PARP4: variants seen among roughly 807,000 people sequenced by gnomAD.
PARP4 encodes the protein protein mono-ADP-ribosyltransferase PARP4.
In PARP4, 120 loss-of-function variants were observed where a neutral mutation model predicts 187.7. The observed-to-expected ratio is 0.64, with a 90% CI of 0.55 to 0.74. PARP4 has a LOEUF of 0.74. Among genes scored for constraint, PARP4 ranks in the 30% least tolerant of loss-of-function variants. The probability of loss-of-function intolerance (pLI) is 0.00; values close to 1 mark genes in which losing one functional copy is unlikely to be tolerated. For missense variants in PARP4, 1,836 were observed against 2,070.5 expected (o/e 0.89, Z 2.20); for synonymous variants, 654 against 740.9 (o/e 0.88, Z 1.90).
At chr13:24,489,604 G>A (rs1409798048) in intron 10 of PARP4, among the ~76,000 whole-genome samples, 5 of 152,050 alleles carry the variant, frequency 3.3e-5, no homozygotes, top group Admixed American at 2.0e-4. Flanking sequence ...GCGAGACTCC[G>A]TCTCAAAAAA....
At chr13:24,446,134 C>T (rs7327270) in intron 27 of PARP4, among the ~76,000 whole-genome samples, 6,565 of 152,244 alleles carry the variant, frequency 0.043, 398 homozygotes, top group African/African-American at 0.14. Context: ...TAAATAGCAT[C>T]AGTAGGCCAG....
At chr13:24,485,084 T>C (rs1200494604) in intron 11 of PARP4, among the ~76,000 whole-genome samples, 1 of 152,202 alleles carries the variant, frequency 6.6e-6, no homozygotes, top group African/African-American at 2.4e-5. Flanking sequence ...TTTTAAATAT[T>C]TAAATATTTG....
At chr13:24,425,241 C>T (rs553962994) in intron 33 of PARP4, among the ~76,000 whole-genome samples, 2 of 148,236 alleles carry the variant, frequency 1.3e-5, no homozygotes, top group South Asian at 4.2e-4. Context: ...GCGGAGGTTG[C>T]AGTGAGCTGA....
In PARP4 at chr13:24,473,492, T is replaced by C. The variant is rs147301688; in HGVS notation, c.1914+1980A>G. On this transcript the variant is annotated intron_variant, in intron 15 of 33. Transcript: ENST00000381989. ...AGTCTTTTCAACAATGTTTCCTATTTATGCAATAAAACATAGAGAAGGGTA... is the reference window on the plus strand; with the variant it reads ...AGTCTTTTCAACAATGTTTCCTATTCATGCAATAAAACATAGAGAAGGGTA... Among the ~76,000 whole-genome samples, 469 of 152,308 alleles carry C rather than the reference T, an allele frequency of 3.1e-3. 3 individuals carry two copies. The highest frequency in any genetic ancestry group is 0.011 in the African/African-American group (438 of 41,564).
chr13:24,459,236 T>G (rs1566000916), intron 19 of PARP4, 28 bp downstream of exon 19: 1 of 1,589,660 alleles, frequency 6.3e-7, no homozygotes, highest in South Asian at 1.1e-5. Context: ...TCCATTGAAT[T>G]GACAGGTTTT....
intron 6 of PARP4, among the ~76,000 whole-genome samples, chr13:24,495,540 T>C (rs1868898270): frequency 6.6e-6 from 1 of 152,200 alleles, no homozygotes; most frequent in Non-Finnish European, 1.5e-5. Context: ...AAACTGCCTG[T>C]GGAGGCGGCA....
intron 27 of PARP4, 48 bp from the exon 28 acceptor site, chr13:24,443,778 A>T (rs747604481): frequency 1.7e-5 from 22 of 1,267,258 alleles, no homozygotes; most frequent in Non-Finnish European, 2.2e-5. Context: ...GGCTTCTAAT[A>T]TAAGACTTGC....
intron 10 of PARP4, among the ~76,000 whole-genome samples, chr13:24,488,823 C>T (rs1044831066): frequency 6.6e-6 from 1 of 152,004 alleles, no homozygotes; most frequent in African/African-American, 2.4e-5. Context: ...GCTGTCAGTC[C>T]CCAACCCTCC....
chr13:24,422,504 T>G (rs1415962802), intron 33 of PARP4, among the ~76,000 whole-genome samples: 59 of 152,336 alleles, frequency 3.9e-4, no homozygotes, highest in African/African-American at 1.3e-3. Context: ...AAGAAAATCT[T>G]GTGCCTACAC....
chr13:24,478,189 G>C lies in PARP4; in HGVS notation c.1536C>G (p.Asp512Glu). The C allele has an allele frequency of 6.2e-7, 1 of 1,613,858 alleles. No individual in the cohort carries two copies. The change falls in exon 13 of 34, where the codon GAC becomes GAG. Residue 512 changes from aspartate (D) to glutamate (E), a missense_variant. Around this residue, in one of 8 missense-constraint regions of PARP4, gnomAD observed 1,147 missense variants for 1,214.2 expected, o/e 0.94. Coordinates refer to ENST00000381989, the MANE Select transcript of PARP4 (RefSeq NM_006437.4). ...ICDVALGKCM[D>E]LHEKDFSLTE... ...TTAAGGAAAAGTCCTTCTCATGTAA[G>C]TCCATACACTTTCCGAGGGCTACGT... is the stretch of plus-strand genomic sequence containing the variant.
chr13:24,477,828 A>T lies in PARP4; in HGVS notation c.1662T>A (p.Asn554Lys), dbSNP rs1461243708. The change falls in exon 14 of 34, where the codon AAT (asparagine) becomes AAA (lysine). Residue 554 changes from asparagine to lysine, a missense_variant. Coordinates refer to ENST00000381989, the MANE Select transcript of PARP4 (RefSeq NM_006437.4). Reference protein sequence around the residue: ...EDDEFVVYKTNQVKMKYIIKF... With the variant: ...EDDEFVVYKTKQVKMKYIIKF... ...TAATAATATATTTCATTTTAACCTG[A>T]TTGGTTTTATAGACAACAAATTCAT... 2 of 1,582,320 alleles carry T rather than the reference A, an allele frequency of 1.3e-6. No individual in the cohort carries two copies. The highest frequency in any genetic ancestry group is 8.6e-7 in the Non-Finnish European group (1 of 1,164,276).
At chr13:24,452,942 T>A (rs71429885) in intron 23 of PARP4, among the ~76,000 whole-genome samples, 9,973 of 152,090 alleles carry the variant, frequency 0.066, 402 homozygotes, top group South Asian at 0.095. Flanking sequence ...TTATTTATTT[T>A]TTTTTTCTTT....
chr13:24,478,387 A>G (rs1323148708), intron 12 of PARP4, 111 bp from the exon 13 acceptor site: 2 of 602,208 alleles, frequency 3.3e-6, no homozygotes, highest in East Asian at 3.1e-5. Flanking sequence ...TATTATTGAA[A>G]TATCTCCAAA....
At position 24,425,511 on chromosome 13, in the gene PARP4, A is replaced by ACAT. The variant is rs1263398148; in HGVS notation, c.4979+954_4979+955insATG. Among the ~76,000 whole-genome samples the ACAT allele has an allele frequency of 2.0e-5, 3 of 150,284 alleles. No homozygotes were observed. In the Admixed American group the frequency reaches 2.0e-4, roughly 10 times the overall value. Reference sequence around the variant, plus strand: ...AAGAACATAAGCCAATTACATGTGTATGTATATGTGTATATGTGTATGCAT... The same window carrying ACAT: ...AAGAACATAAGCCAATTACATGTGTACATTGTATATGTGTATATGTGTATGCAT... On this transcript the variant is annotated intron_variant, in intron 33 of 33. Coordinates refer to ENST00000381989, the MANE Select transcript of PARP4 (RefSeq NM_006437.4).
chr13:24,461,625 C>T (rs1207276103), intron 17 of PARP4, among the ~76,000 whole-genome samples: 1 of 152,168 alleles, frequency 6.6e-6, no homozygotes, highest in Non-Finnish European at 1.5e-5. Context: ...CCCATATCCC[C>T]ACAGCCTTCC....
chr13:24,427,208 G>A (rs116193616), intron 32 of PARP4, among the ~76,000 whole-genome samples: 208 of 152,204 alleles, frequency 1.4e-3, no homozygotes, highest in African/African-American at 4.9e-3. Context: ...ATAAACAACA[G>A]ATATGACTAA....
rs1039882488 is a variant in PARP4, at chr13:24,428,598, C to G, written c.4847-2000G>C. Reference sequence around the variant, plus strand: ...CAGGGCTCAGGTGATCCTCCCACCTCAGCCTCCTAAGTAGCTGGGACCACA... The same window carrying G: ...CAGGGCTCAGGTGATCCTCCCACCTGAGCCTCCTAAGTAGCTGGGACCACA... On this transcript the variant is annotated intron_variant, in intron 32 of 33. Coordinates refer to ENST00000381989, the MANE Select transcript of PARP4 (RefSeq NM_006437.4). 3.9e-5 allele frequency among the ~76,000 whole-genome samples: 6 copies of G among 152,310 alleles called. No homozygotes were observed. The South Asian group carries it at 6.2e-4, about 16-fold the overall frequency.
At chr13:24,510,203 A>G (rs1362000056) in intron 1 of PARP4, among the ~76,000 whole-genome samples, 2 of 152,198 alleles carry the variant, frequency 1.3e-5, no homozygotes, top group African/African-American at 4.8e-5. Flanking sequence ...TAGTGGTTAC[A>G]TAAGCTTTGC....
chr13:24,484,344 T>A (rs1006116686), intron 12 of PARP4, among the ~76,000 whole-genome samples: 92 of 152,228 alleles, frequency 6.0e-4, no homozygotes, highest in African/African-American at 2.1e-3. Flanking sequence ...GCTAATTTTT[T>A]AATTTTTTTG....
Sources: allele counts gnomAD v4.1 joint callset (sites outside exome capture counted in the v4.1 genomes callset), GRCh38; gene constraint gnomAD v4.1.1; regional missense constraint gnomAD v4.1.1; transcripts MANE v1.5; gene names NCBI Gene and HGNC (gene_info 2026-07-23, HGNC 2026-07-21).